The following ANKFN1 variants were observed in gnomAD, a reference collection of about 807,000 sequenced individuals.
ANKFN1 encodes ankyrin repeat and fibronectin type-III domain-containing protein 1.
In ANKFN1, 74 loss-of-function variants were observed where a neutral mutation model predicts 108.7. The ratio of observed to expected loss-of-function variants is 0.68; its 90% CI spans 0.56 to 0.83. The LOEUF (loss-of-function observed/expected upper bound fraction) is 0.83. Among genes scored for constraint, ANKFN1 ranks in the 40% least tolerant of loss-of-function variants. The pLI, the probability that ANKFN1 is intolerant of heterozygous loss-of-function variation, is 0.00. For synonymous variants in ANKFN1, 547 were observed against 516.2 expected, an observed-to-expected ratio of 1.06 and a Z score of -0.81; for missense variants, 1,505 against 1,382.3, an observed-to-expected ratio of 1.09 and a Z score of -1.41.
chr17:56,400,283 AGGATTAAGGT>A (rs1478568444), intron 8 of ANKFN1, among the ~76,000 whole-genome samples: 1 of 151,994 alleles, frequency 6.6e-6, no homozygotes, highest in Non-Finnish European at 1.5e-5. Context: ...CCATTCTTGC[AGGATTAAGGT>A]GGTATCACAT....
At chr17:56,176,233 G>A (rs1471371318) in intron 1 of ANKFN1, among the ~76,000 whole-genome samples, 1 of 152,092 alleles carries the variant, frequency 6.6e-6, no homozygotes, top group Admixed American at 6.5e-5. Flanking sequence ...GGGAAGAATG[G>A]CAATCGCTTG....
At chr17:56,160,833 T>A (rs891534224) in intron 1 of ANKFN1, among the ~76,000 whole-genome samples, 1 of 152,140 alleles carries the variant, frequency 6.6e-6, no homozygotes, top group African/African-American at 2.4e-5. Flanking sequence ...AAAACAGTAA[T>A]GATACCTTAG....
chr17:56,051,261 A>G (rs1287852320), intron 4 of ANKFN1, among the ~76,000 whole-genome samples: 1 of 58,644 alleles, frequency 1.7e-5, no homozygotes, highest in Non-Finnish European at 3.3e-5. Context: ...AGGCTGGTTC[A>G]ATATACGCAA....
intron 3 of ANKFN1, among the ~76,000 whole-genome samples, chr17:56,308,241 A>T (rs1030448672): frequency 5.0e-5 from 6 of 118,896 alleles, no homozygotes; most frequent in Non-Finnish European, 8.8e-5. Flanking sequence ...GTATAATAAA[A>T]AAAAAAAAGA....
At chr17:56,383,798 A>G (rs2144829950) in intron 8 of ANKFN1, among the ~76,000 whole-genome samples, 1 of 152,316 alleles carries the variant, frequency 6.6e-6, no homozygotes, top group South Asian at 2.1e-4. Context: ...TGAATCTCTA[A>G]ATAGACCAAT....
chr17:56,428,625 G>A (rs1953887121), intron 8 of ANKFN1, among the ~76,000 whole-genome samples: 1 of 151,900 alleles, frequency 6.6e-6, no homozygotes. Context: ...ACCACGCTTG[G>A]CTAATTTTTG....
chr17:56,499,462 G>A (rs2051299759), intron 20 of ANKFN1, among the ~76,000 whole-genome samples: 2 of 152,118 alleles, frequency 1.3e-5, no homozygotes, highest in South Asian at 4.2e-4. Flanking sequence ...ACAAACTAAG[G>A]AAAGAGAACA....
intron 8 of ANKFN1, among the ~76,000 whole-genome samples, chr17:56,429,955 A>G (rs1383994377): frequency 2.0e-5 from 3 of 152,214 alleles, no homozygotes; most frequent in Non-Finnish European, 4.4e-5. Context: ...TATAAATGCC[A>G]GAAAGAATGA....
At chr17:56,177,026 A>G (rs1911224742) in intron 1 of ANKFN1, among the ~76,000 whole-genome samples, 1 of 152,182 alleles carries the variant, frequency 6.6e-6, no homozygotes, top group Non-Finnish European at 1.5e-5. Context: ...GTTTCCAGGA[A>G]CTCATGCCAA....
chr17:56,471,061 G>C (rs2050300028), intron 15 of ANKFN1: 1 of 152,156 alleles, frequency 6.6e-6, no homozygotes, highest in Non-Finnish European at 1.5e-5. Flanking sequence ...TCACATCTAT[G>C]ATATCATTTG....
chr17:56,449,187 G>A lies in ANKFN1; in HGVS notation c.1207+1G>A, dbSNP rs769147884. The A allele has an allele frequency of 2.5e-6, 4 of 1,612,300 alleles. No homozygotes were observed. The highest frequency in any genetic ancestry group is 3.4e-6 in the Non-Finnish European group (4 of 1,178,826). ...CTTCATCAGCATTACAGTTGCCGGG[G>A]TAAGGATAAAAATCTGTGCTGGGCC... On this transcript the variant is annotated splice_donor_variant, in intron 11 of 20. Transcript: ENST00000682825. LOFTEE classifies it high-confidence loss of function.
chr17:56,154,765 T>C (rs1397604063), intron 1 of ANKFN1, among the ~76,000 whole-genome samples: 1 of 152,054 alleles, frequency 6.6e-6, no homozygotes, highest in African/African-American at 2.4e-5. Context: ...AGGGGCCAGG[T>C]ACATTTGGGG....
chr17:56,146,166 T>C (rs997637253), intron 4 of ANKFN1, among the ~76,000 whole-genome samples: 2 of 152,218 alleles, frequency 1.3e-5, no homozygotes, highest in African/African-American at 4.8e-5. Context: ...ATCCAGATTA[T>C]GCTGATGCAA....
intron 3 of ANKFN1, among the ~76,000 whole-genome samples, chr17:56,275,971 C>T (rs1279262978): frequency 6.6e-6 from 1 of 152,154 alleles, no homozygotes; most frequent in Admixed American, 6.5e-5. Context: ...TGTAAATCAA[C>T]TTGTCATTTA....
intron 6 of ANKFN1, among the ~76,000 whole-genome samples, chr17:56,356,085 T>C (rs9890332): frequency 0.061 from 9,248 of 152,162 alleles, 912 homozygotes; most frequent in African/African-American, 0.21. Flanking sequence ...GGATGTGTTT[T>C]GAAGTAGAGC....
intron 4 of ANKFN1, among the ~76,000 whole-genome samples, chr17:56,141,359 G>T (rs1907906581): frequency 2.0e-5 from 3 of 152,188 alleles, no homozygotes; most frequent in Admixed American, 2.0e-4. Flanking sequence ...GTTGAAGATT[G>T]GGGCAGCTGG....
At chr17:56,475,269 C>T (rs1308264208) in intron 15 of ANKFN1, among the ~76,000 whole-genome samples, 5 of 152,194 alleles carry the variant, frequency 3.3e-5, no homozygotes, top group South Asian at 2.1e-4. Context: ...TTGTGATCAT[C>T]TGTTTACTTC....
At chr17:56,101,111 A>AAGTGAAC (rs1218927538) in intron 4 of ANKFN1, among the ~76,000 whole-genome samples, 57 of 152,134 alleles carry the variant, frequency 3.7e-4, no homozygotes, top group South Asian at 8.3e-4. Context: ...ACAATCCAGG[A>AAGTGAAC]AGTGAACAGT....
At chr17:56,258,805 G>A (rs2043426838) in intron 3 of ANKFN1, among the ~76,000 whole-genome samples, 1 of 152,100 alleles carries the variant, frequency 6.6e-6, no homozygotes, top group South Asian at 2.1e-4. Flanking sequence ...CAGCTACTCG[G>A]GAGGCTGAGG....
Sources: allele counts gnomAD v4.1 joint callset (sites outside exome capture counted in the v4.1 genomes callset), GRCh38; gene constraint gnomAD v4.1.1; transcripts MANE v1.5; gene names NCBI Gene and HGNC (gene_info 2026-07-23, HGNC 2026-07-21).